Variants in SLC47A1 observed in about 807,000 individuals in gnomAD.
SLC47A1 encodes multidrug and toxin extrusion protein 1.
In SLC47A1, 58 loss-of-function variants were observed where a neutral mutation model predicts 65.8. The ratio of observed to expected loss-of-function variants is 0.88; its 90% CI spans 0.71 to 1.10. SLC47A1 has a LOEUF of 1.10. Ranked by LOEUF, SLC47A1 falls within the 50% of genes least tolerant of loss-of-function variation. The pLI is 0.00. For missense variants in SLC47A1, 706 were observed against 719.2 expected (o/e 0.98, Z 0.21); for synonymous variants, 285 against 295.0 (o/e 0.97, Z 0.35).
chr17:19,547,450 T>A (rs542036580), intron 3 of SLC47A1, among the ~76,000 whole-genome samples: 5 of 150,482 alleles, frequency 3.3e-5, no homozygotes, highest in South Asian at 2.1e-4. Context: ...CTAAAAAAAT[T>A]TTTTTCCAGT....
chr17:19,570,602 C>T (rs8065616), intron 14 of SLC47A1, among the ~76,000 whole-genome samples: 1 of 152,148 alleles, frequency 6.6e-6, no homozygotes, highest in South Asian at 2.1e-4. Context: ...CCAATCGTTA[C>T]AGAAGTTACT....
chr17:19,560,649 C>T (rs753762321), intron 12 of SLC47A1, 156 bp downstream of exon 12: 4 of 738,440 alleles, frequency 5.4e-6, no homozygotes, highest in African/African-American at 3.5e-5. Context: ...AATCCCAGCA[C>T]TTTGGGATCA....
chr17:19,579,023 A>G lies in SLC47A1; in HGVS notation c.*1470A>G, dbSNP rs762523595. On this transcript the variant is annotated 3_prime_UTR_variant, in exon 17 of 17. Transcript: ENST00000270570. Reference sequence around the variant, plus strand: ...GCAATTCTTTCTTCCAAAATAAAACATTAAATAGAGATTTTGCCTCTACAT... The same window carrying G: ...GCAATTCTTTCTTCCAAAATAAAACGTTAAATAGAGATTTTGCCTCTACAT... The G allele has an allele frequency of 6.6e-6, 1 of 152,388 alleles. No homozygotes were observed. The highest frequency in any genetic ancestry group is 2.4e-5 in the African/African-American group (1 of 41,590). 9.4% of individuals were successfully genotyped at this position (152,388 alleles called of 1,614,324 possible).
At chr17:19,554,441 T>C (rs1391058321) in intron 6 of SLC47A1, among the ~76,000 whole-genome samples, 1 of 152,232 alleles carries the variant, frequency 6.6e-6, no homozygotes, top group East Asian at 1.9e-4. Flanking sequence ...GTTTTCTTTT[T>C]ACTGAAATGA....
At chr17:19,572,513 G>A (rs2084407738) in intron 15 of SLC47A1, among the ~76,000 whole-genome samples, 1 of 151,906 alleles carries the variant, frequency 6.6e-6, no homozygotes, top group Non-Finnish European at 1.5e-5. Context: ...ATTGAGATGG[G>A]ATCTTGCTGT....
rs118047903 is a variant in SLC47A1, at chr17:19,549,172, A to G, written c.456-463A>G. Among the ~76,000 whole-genome samples, 1,018 of 152,178 alleles carry G rather than the reference A, an allele frequency of 6.7e-3. 36 individuals are homozygous for G. The East Asian group carries it at 0.08, about 12-fold the overall frequency. On this transcript the variant is annotated intron_variant, in intron 4 of 16. Transcript: ENST00000270570. ...TCAGGGTTATAAGATGACAAGCTCT[A>G]TATGTAAATTTTCACATTTGCTCCG... is the stretch of plus-strand genomic sequence containing the variant.
At chr17:19,553,128 G>T (rs1449630808) in intron 6 of SLC47A1, among the ~76,000 whole-genome samples, 1 of 152,104 alleles carries the variant, frequency 6.6e-6, no homozygotes, top group Admixed American at 6.6e-5. Context: ...ACCATTAGCT[G>T]AGTGTAGAAC....
intron 1 of SLC47A1, chr17:19,535,757 T>C (rs1915973378): frequency 6.6e-6 from 1 of 152,174 alleles, no homozygotes; most frequent in Admixed American, 6.6e-5. Flanking sequence ...AAACACCTCA[T>C]GATTTGGAAT....
In SLC47A1 at chr17:19,547,981, C is replaced by A. The variant is rs767535506; in HGVS notation, c.307-4C>A. 4 of 1,610,518 alleles carry A rather than the reference C, an allele frequency of 2.5e-6. No homozygotes were observed. The highest frequency in any genetic ancestry group is 1.7e-4 in the Middle Eastern group (1 of 6,048). ...TGGGCTCATTTTGGCTGTGTGCACC[C>A]CAGACGTACGGGAGCCAGAACCTGA... On this transcript the variant is annotated splice_region_variant and splice_polypyrimidine_tract_variant and intron_variant, in intron 3 of 16. Coordinates refer to ENST00000270570, the MANE Select transcript of SLC47A1 (RefSeq NM_018242.3).
intron 2 of SLC47A1, among the ~76,000 whole-genome samples, chr17:19,543,132 C>A (rs867894130): frequency 8.0e-6 from 1 of 125,588 alleles, no homozygotes; most frequent in Non-Finnish European, 1.7e-5. Flanking sequence ...TTTTTTCAGA[C>A]GGAGTCTTGC....
chr17:19,539,610 G>A (rs28427564), intron 1 of SLC47A1, among the ~76,000 whole-genome samples: 5,254 of 152,052 alleles, frequency 0.035, 303 homozygotes, highest in African/African-American at 0.12. Context: ...TCAGCCTCCC[G>A]AGTAGCTGGG....
chr17:19,540,505 C>T (rs1916114198), intron 1 of SLC47A1, among the ~76,000 whole-genome samples: 1 of 152,100 alleles, frequency 6.6e-6, no homozygotes, highest in Non-Finnish European at 1.5e-5. Context: ...AAAGAGACAC[C>T]AAGCTCCACC....
intron 12 of SLC47A1, among the ~76,000 whole-genome samples, chr17:19,565,922 C>A (rs551281580): frequency 6.6e-6 from 1 of 152,240 alleles, no homozygotes; most frequent in South Asian, 2.1e-4. Context: ...ATAAACAATT[C>A]ATAAGTTTTC....
intron 12 of SLC47A1, among the ~76,000 whole-genome samples, chr17:19,565,505 C>G (rs149119174): frequency 6.6e-6 from 1 of 151,038 alleles, no homozygotes; most frequent in Non-Finnish European, 1.5e-5. Flanking sequence ...ATGGACTATG[C>G]GGTAACCCCT....
chr17:19,573,881 C>T (rs2084418799), intron 16 of SLC47A1, among the ~76,000 whole-genome samples: 1 of 150,820 alleles, frequency 6.6e-6, no homozygotes, highest in Non-Finnish European at 1.5e-5. Context: ...AGGTGTGCTG[C>T]AGCCAGTGTG....
Position 19,571,459 on chromosome 17 carries a change from T to C in SLC47A1, c.1310-19T>C. 6.2e-7 allele frequency: 1 copy of C among 1,607,024 alleles called. No homozygotes were observed. Among genetic ancestry groups the C allele is most frequent in the Admixed American group, 1.7e-5 (1 of 59,270 alleles). Reference sequence around the variant, plus strand: ...GGTTTTCTATGGAATTAACCTCTATTAAATATTTCTATTTCTAGGTCTGTG... The same window carrying C: ...GGTTTTCTATGGAATTAACCTCTATCAAATATTTCTATTTCTAGGTCTGTG... On this transcript the variant is annotated intron_variant, in intron 14 of 16. Transcript: ENST00000270570.
chr17:19,536,818 T>C (rs1428338665), intron 1 of SLC47A1, among the ~76,000 whole-genome samples: 2 of 152,214 alleles, frequency 1.3e-5, no homozygotes, highest in African/African-American at 4.8e-5. Context: ...TCTGTAATTT[T>C]CTCTCTCATT....
intron 1 of SLC47A1, 32 bp downstream of exon 1, chr17:19,534,106 A>G: frequency 6.7e-7 from 1 of 1,496,698 alleles, no homozygotes; most frequent in South Asian, 1.3e-5. Flanking sequence ...GCAGGCCGGT[A>G]CCGGCGGGCT....
rs370154587 is a variant in SLC47A1, at chr17:19,548,039, C to T, written c.361C>T (p.Leu121Phe). 2.5e-6 allele frequency: 4 copies of T among 1,614,040 alleles called. No homozygotes were observed. Among genetic ancestry groups the T allele is most frequent in the African/African-American group, 1.3e-5 (1 of 74,946 alleles). Residue 121 changes from leucine (L) to phenylalanine (F), a missense_variant, in exon 4 of 17, where the codon CTC (leucine) becomes TTC (phenylalanine). By Grantham distance (22) the Leu-to-Phe change is conservative. Coordinates refer to ENST00000270570, the MANE Select transcript of SLC47A1 (RefSeq NM_018242.3). ...GGGCGTGATCCTGCAGCGGAGTGCGCTCGTCCTGCTCCTCTGCTGCTTCCC... is the reference window on the plus strand; with the variant it reads ...GGGCGTGATCCTGCAGCGGAGTGCGTTCGTCCTGCTCCTCTGCTGCTTCCC... The part of the protein sequence containing the change: ...HVGVILQRSA[L>F]VLLLCCFPCW...
Sources: allele counts gnomAD v4.1 joint callset (sites outside exome capture counted in the v4.1 genomes callset), GRCh38; gene constraint gnomAD v4.1.1; transcripts MANE v1.5; gene names NCBI Gene and HGNC (gene_info 2026-07-23, HGNC 2026-07-21).